Variants in ADAR observed in about 807,000 individuals in gnomAD.
ADAR encodes double-stranded RNA-specific adenosine deaminase.
ADAR carries 41 observed loss-of-function variants against 113.2 expected under a neutral mutation model. The observed-to-expected ratio is 0.36, with a 90% CI of 0.28 to 0.47. The LOEUF (loss-of-function observed/expected upper bound fraction) is 0.47, where lower values mean the gene tolerates loss of function less well. Among genes scored for constraint, ADAR ranks in the 20% least tolerant of loss-of-function variants. ADAR has a pLI of 1.00. For missense variants in ADAR, 1,242 were observed against 1,540.9 expected (o/e 0.81, Z 3.25); for synonymous variants, 605 against 572.6 (o/e 1.06, Z -0.81).
intron 1 of ADAR, among the ~76,000 whole-genome samples, chr1:154,603,146 T>A (rs948022742): frequency 6.6e-6 from 1 of 152,206 alleles, no homozygotes; most frequent in Admixed American, 6.5e-5. Flanking sequence ...CTTGCCCACC[T>A]GTCTCTAAGA....
upstream of ADAR, among the ~76,000 whole-genome samples, chr1:154,611,376 T>TA (rs1698482109): frequency 6.6e-6 from 1 of 152,126 alleles, no homozygotes; most frequent in Non-Finnish European, 1.5e-5. Context: ...GCAGCTCAAG[T>TA]AACTGCAGAC....
intron 1 of ADAR, among the ~76,000 whole-genome samples, chr1:154,607,281 G>GT (rs1194197438): frequency 6.6e-6 from 1 of 152,026 alleles, no homozygotes; most frequent in African/African-American, 2.4e-5. Context: ...GTTGTTACTT[G>GT]TAACAGTATT....
rs1571131664 is a variant in ADAR, at chr1:154,608,126, C to T, written c.-120G>A. 2.3e-6 allele frequency: 3 copies of T among 1,301,976 alleles called. No homozygotes were observed. The highest frequency in any genetic ancestry group is 3.6e-5 in the Admixed American group (1 of 27,470). 80.7% of individuals were successfully genotyped at this position (1,301,976 alleles called of 1,614,324 possible). A position where few individuals can be genotyped will look rare whatever the true frequency, so the allele number is the denominator to read the frequency against. ...CGCTACTCCGCACTGGAAGTGGCCCCGGGGCGTCGGCACGGGAAACTCCGC... is the reference window on the plus strand; with the variant it reads ...CGCTACTCCGCACTGGAAGTGGCCCTGGGGCGTCGGCACGGGAAACTCCGC... On this transcript the variant is annotated 5_prime_UTR_variant, in exon 1 of 15. Transcript: ENST00000368474.
intron 1 of ADAR, among the ~76,000 whole-genome samples, chr1:154,625,766 A>G (rs1488439984): frequency 6.6e-6 from 1 of 152,120 alleles, no homozygotes; most frequent in Non-Finnish European, 1.5e-5. Context: ...GCAGTTTGGG[A>G]GGCCGAGGCA....
At chr1:154,617,451 C>T (rs1052948707) in intron 1 of ADAR, among the ~76,000 whole-genome samples, 4 of 152,184 alleles carry the variant, frequency 2.6e-5, no homozygotes, top group African/African-American at 7.2e-5. Context: ...TGATGATCAC[C>T]TTTCCCTCCT....
At chr1:154,598,365 G>A (rs757339297) in intron 3 of ADAR, 37 bp downstream of exon 3, 3 of 1,606,772 alleles carry the variant, frequency 1.9e-6, no homozygotes, top group Middle Eastern at 1.7e-4. Flanking sequence ...GACACTGACA[G>A]GGAACTGATC....
At position 154,584,859 on chromosome 1, in the gene ADAR, T is replaced by A; in HGVS notation, c.3628A>T (p.Asn1210Tyr). 6.2e-7 allele frequency: 1 copy of A among 1,614,150 alleles called. No individual in the cohort carries two copies. Among genetic ancestry groups the A allele is most frequent in the Non-Finnish European group, 8.5e-7 (1 of 1,180,020 alleles). The change falls in exon 15 of 15, where the codon AAC (asparagine) becomes TAC (tyrosine). Residue 1210 changes from asparagine (N) to tyrosine (Y), a missense_variant. Asn to Tyr is a moderately radical substitution (Grantham distance 143, BLOSUM62 -2). Around this residue, in one of 2 missense-constraint regions of ADAR, gnomAD observed 780 missense variants for 1,057.9 expected, o/e 0.74. Transcript: ENST00000368474. ...KKGLKDMGYG[N>Y]WISKPQEEKN... ...TCCTCCTGGGGTTTGCTAATCCAGT[T>A]CCCATAGCCCATATCCTTCAGGCCT...
At chr1:154,603,240 G>C (rs1697998241) in intron 1 of ADAR, among the ~76,000 whole-genome samples, 1 of 152,176 alleles carries the variant, frequency 6.6e-6, no homozygotes, top group African/African-American at 2.4e-5. Context: ...TAACAGCGCA[G>C]TAACGAAAAC....
chr1:154,609,532 G>C (rs192856903), upstream of ADAR, among the ~76,000 whole-genome samples: 2 of 152,182 alleles, frequency 1.3e-5, no homozygotes, highest in Non-Finnish European at 2.9e-5. Flanking sequence ...CATTCTATTC[G>C]TTGGCCTAGC....
At chr1:154,621,732 G>A (rs939771181) in intron 1 of ADAR, among the ~76,000 whole-genome samples, 1 of 152,076 alleles carries the variant, frequency 6.6e-6, no homozygotes, top group African/African-American at 2.4e-5. Flanking sequence ...GTGAGGGAGA[G>A]GCACAGTAAG....
At chr1:154,616,858 T>C (rs1698648704) in intron 1 of ADAR, among the ~76,000 whole-genome samples, 1 of 152,268 alleles carries the variant, frequency 6.6e-6, no homozygotes, top group African/African-American at 2.4e-5. Flanking sequence ...TTTCCACTGT[T>C]GTACTTCAAC....
At chr1:154,585,099 C>T (rs1696661218) in intron 14 of ADAR, 56 bp from the exon 15 acceptor site, 1 of 1,611,480 alleles carries the variant, frequency 6.2e-7, no homozygotes, top group Non-Finnish European at 8.5e-7. Flanking sequence ...AAGGAGCTCA[C>T]AGTGGAGACA....
rs1397392488 is a variant in ADAR at position 154,583,565 on chromosome 1, A to G, written c.*1241T>C. On this transcript the variant is annotated 3_prime_UTR_variant, in exon 15 of 15. Transcript: ENST00000368474. ...CTACTGCTTTCTATGTCAACCCTAT[A>G]AAGATCAGGTCTGCGCCCTGCCCAC... The G allele has an allele frequency of 6.6e-6, 1 of 152,192 alleles. No individual in the cohort carries two copies. The highest frequency in any genetic ancestry group is 2.4e-5 in the African/African-American group (1 of 41,426). 9.4% of individuals were successfully genotyped at this position (152,192 alleles called of 1,614,324 possible). A position where few individuals can be genotyped will look rare whatever the true frequency, so the allele number is the denominator to read the frequency against.
At chr1:154,594,634 G>A (rs1257656432) in intron 6 of ADAR, among the ~76,000 whole-genome samples, 2 of 152,162 alleles carry the variant, frequency 1.3e-5, no homozygotes, top group Non-Finnish European at 2.9e-5. Context: ...TCACAAGAAA[G>A]TATAATGTGT....
chr1:154,602,338 G>T lies in ADAR; in HGVS notation c.304C>A (p.Gln102Lys). The change falls in exon 2 of 15, where the codon CAG (glutamine) becomes AAG (lysine). Residue 102 changes from glutamine (Q) to lysine (K), a missense_variant. Gln to Lys is a moderately conservative substitution (Grantham distance 53). Around this residue, in one of 2 missense-constraint regions of ADAR, gnomAD observed 462 missense variants for 483.1 expected, o/e 0.96. Transcript: ENST00000368474. Reference protein sequence around the residue: ...GVPRGVHLRSQGLQRGFQHPS... With the variant: ...GVPRGVHLRSKGLQRGFQHPS... Reference sequence around the variant, plus strand: ...TGCTGGAACCCTCTCTGGAGCCCCTGACTTCTGAGATGCACGCCCCTGGGG... The same window carrying T: ...TGCTGGAACCCTCTCTGGAGCCCCTTACTTCTGAGATGCACGCCCCTGGGG... 6.2e-7 allele frequency: 1 copy of T among 1,611,048 alleles called. No homozygotes were observed. Among genetic ancestry groups the T allele is most frequent in the South Asian group, 1.1e-5 (1 of 90,616 alleles).
At chr1:154,586,687 G>A (rs1006205396) in intron 11 of ADAR, among the ~76,000 whole-genome samples, 7 of 152,186 alleles carry the variant, frequency 4.6e-5, no homozygotes, top group South Asian at 2.1e-4. Flanking sequence ...CAGCTATGAC[G>A]GAGGACCACA....
chr1:154,618,465 A>T (rs1338954867), intron 1 of ADAR, among the ~76,000 whole-genome samples: 4 of 152,218 alleles, frequency 2.6e-5, no homozygotes, highest in African/African-American at 9.6e-5. Flanking sequence ...TTAATAGGTC[A>T]TTGGATGGGA....
intron 2 of ADAR, among the ~76,000 whole-genome samples, chr1:154,598,897 AATG>A (rs2101628279): frequency 6.6e-6 from 1 of 152,332 alleles, no homozygotes; most frequent in Admixed American, 6.5e-5. Flanking sequence ...CACACACAAA[AATG>A]ATGAGCCAAA....
chr1:154,620,187 C>T (rs111268470), intron 1 of ADAR, among the ~76,000 whole-genome samples: 2 of 152,168 alleles, frequency 1.3e-5, no homozygotes, highest in South Asian at 2.1e-4. Context: ...GGCGGGTGGA[C>T]CACAAGGTCA....
Sources: gnomAD v4.1 joint callset for allele counts (sites outside exome capture counted in the v4.1 genomes callset) on GRCh38, gnomAD v4.1.1 for gene constraint, gnomAD v4.1.1 regional missense constraint, MANE v1.5 for transcripts, NCBI Gene and HGNC (gene_info 2026-07-23, HGNC 2026-07-21) for gene names.